SORCS3: variants seen among roughly 807,000 people sequenced by gnomAD.
SORCS3 encodes VPS10 domain-containing receptor SorCS3.
Under a neutral mutation model 146.3 loss-of-function variants are expected in SORCS3, and 57 were observed. The ratio of observed to expected loss-of-function variants is 0.39; its 90% CI spans 0.31 to 0.49. The LOEUF (loss-of-function observed/expected upper bound fraction) is 0.49, where lower values mean the gene tolerates loss of function less well. SORCS3 is among the 20% of genes least tolerant of loss of function. The pLI is 0.92. For missense variants in SORCS3, 1,341 were observed against 1,575.5 expected (o/e 0.85, Z 2.52); for synonymous variants, 653 against 618.5 (o/e 1.06, Z -0.83).
intron 14 of SORCS3, among the ~76,000 whole-genome samples, chr10:105,199,724 C>T (rs142875834): frequency 6.6e-6 from 1 of 151,984 alleles, no homozygotes; most frequent in Non-Finnish European, 1.5e-5. Flanking sequence ...CTTTACTGGG[C>T]TTTTTATATT....
chr10:105,207,826 C>A (rs2056611834), intron 16 of SORCS3, among the ~76,000 whole-genome samples: 1 of 152,156 alleles, frequency 6.6e-6, no homozygotes, highest in Non-Finnish European at 1.5e-5. Context: ...CAGAGCTGAA[C>A]AGAACTGCTA....
chr10:104,960,583 A>C (rs2054788345), intron 3 of SORCS3, among the ~76,000 whole-genome samples: 1 of 152,132 alleles, frequency 6.6e-6, no homozygotes, highest in Non-Finnish European at 1.5e-5. Flanking sequence ...ATAATAATCC[A>C]TTAATCCATT....
intron 3 of SORCS3, among the ~76,000 whole-genome samples, chr10:104,928,522 A>G (rs970562100): frequency 7.1e-6 from 1 of 140,968 alleles, no homozygotes; most frequent in African/African-American, 3.0e-5. Context: ...GGTGAAAGAA[A>G]TGACTCGATT....
chr10:105,042,048 G>A (rs11591573), intron 4 of SORCS3, among the ~76,000 whole-genome samples: 17,994 of 152,234 alleles, frequency 0.12, 1,467 homozygotes, highest in Middle Eastern at 0.17. Flanking sequence ...GGAGGTTTAT[G>A]TTCTCACCTG....
At chr10:105,191,790 T>C (rs1278326913) in intron 14 of SORCS3, among the ~76,000 whole-genome samples, 2 of 152,140 alleles carry the variant, frequency 1.3e-5, no homozygotes, top group Non-Finnish European at 2.9e-5. Flanking sequence ...CATGCTCCTG[T>C]GAGAATCCAA....
At chr10:104,725,358 C>T (rs1053765415) in intron 1 of SORCS3, among the ~76,000 whole-genome samples, 19 of 152,130 alleles carry the variant, frequency 1.2e-4, no homozygotes, top group African/African-American at 7.2e-5. Flanking sequence ...GAGGAGTACC[C>T]GGGCATGTGA....
At chr10:105,235,429 T>C (rs1343183041) in intron 20 of SORCS3, among the ~76,000 whole-genome samples, 3 of 144,294 alleles carry the variant, frequency 2.1e-5, no homozygotes, top group Non-Finnish European at 4.6e-5. Flanking sequence ...AGTTTTGAAC[T>C]CTCAGACTGT....
intron 1 of SORCS3, among the ~76,000 whole-genome samples, chr10:104,710,019 C>G (rs1589467323): frequency 6.6e-6 from 1 of 152,014 alleles, no homozygotes; most frequent in African/African-American, 2.4e-5. Flanking sequence ...GATGTATCAA[C>G]CACCTGAAAT....
intron 6 of SORCS3, among the ~76,000 whole-genome samples, chr10:105,097,327 G>A (rs1018441609): frequency 9.2e-5 from 14 of 152,198 alleles, no homozygotes; most frequent in African/African-American, 3.1e-4. Flanking sequence ...TAACAACTGT[G>A]CGAATAATCC....
intron 1 of SORCS3, among the ~76,000 whole-genome samples, chr10:104,734,099 T>C (rs1257570625): frequency 6.6e-6 from 1 of 152,186 alleles, no homozygotes; most frequent in Non-Finnish European, 1.5e-5. Flanking sequence ...TGAGTAGATG[T>C]ATGTTGGGTT....
At chr10:105,244,129 T>C (rs2056852324) in intron 20 of SORCS3, among the ~76,000 whole-genome samples, 1 of 152,146 alleles carries the variant, frequency 6.6e-6, no homozygotes, top group South Asian at 2.1e-4. Flanking sequence ...CTGTTACGTC[T>C]TACTTTCCAA....
At chr10:105,070,060 A>G (rs73344334) in intron 5 of SORCS3, among the ~76,000 whole-genome samples, 8,966 of 152,232 alleles carry the variant, frequency 0.059, 284 homozygotes, top group Middle Eastern at 0.089. Flanking sequence ...CCACATTATC[A>G]AACATGTACA....
intron 2 of SORCS3, among the ~76,000 whole-genome samples, chr10:104,874,825 C>T (rs2018554618): frequency 6.6e-6 from 1 of 152,136 alleles, no homozygotes; most frequent in African/African-American, 2.4e-5. Flanking sequence ...ACTTCTCTAT[C>T]AATATTAGAA....
chr10:104,968,391 C>T (rs1207490604), intron 3 of SORCS3, among the ~76,000 whole-genome samples: 1 of 152,232 alleles, frequency 6.6e-6, no homozygotes, highest in African/African-American at 2.4e-5. Flanking sequence ...ACTGGGGTTA[C>T]AGGCATGAGC....
chr10:105,056,088 G>A (rs188488964), intron 5 of SORCS3, among the ~76,000 whole-genome samples: 3 of 152,210 alleles, frequency 2.0e-5, no homozygotes, highest in African/African-American at 7.2e-5. Flanking sequence ...GGAGGAGATA[G>A]GATGGAAGAA....
chr10:104,994,441 A>T (rs1458335816), intron 4 of SORCS3, among the ~76,000 whole-genome samples: 1 of 152,208 alleles, frequency 6.6e-6, no homozygotes, highest in Non-Finnish European at 1.5e-5. Flanking sequence ...AAACAACTTT[A>T]TTGAGGTATA....
At chr10:104,873,052 A>C (rs2018535071) in intron 2 of SORCS3, among the ~76,000 whole-genome samples, 1 of 152,234 alleles carries the variant, frequency 6.6e-6, no homozygotes, top group Non-Finnish European at 1.5e-5. Flanking sequence ...TCAAGAAAAG[A>C]GCAAGGAAAG....
At chr10:105,190,326 G>T (rs1005287196) in intron 14 of SORCS3, among the ~76,000 whole-genome samples, 1 of 152,146 alleles carries the variant, frequency 6.6e-6, no homozygotes, top group Non-Finnish European at 1.5e-5. Flanking sequence ...TGGGAGTAAC[G>T]AATAAAATGA....
chr10:104,907,558 C>T (rs767375626), intron 2 of SORCS3, among the ~76,000 whole-genome samples: 6 of 152,304 alleles, frequency 3.9e-5, no homozygotes, highest in Admixed American at 6.5e-5. Context: ...TTATCTGATC[C>T]GAACCATGAA....
Sources: gnomAD v4.1 joint callset for allele counts (sites outside exome capture counted in the v4.1 genomes callset) on GRCh38, gnomAD v4.1.1 for gene constraint, MANE v1.5 for transcripts, NCBI Gene and HGNC (gene_info 2026-07-23, HGNC 2026-07-21) for gene names.